The following UTRN variants were observed in gnomAD, a reference collection of about 807,000 sequenced individuals.
UTRN encodes dystrophin-related protein 1.
A neutral mutation model predicts 463.9 loss-of-function variants in UTRN; 283 were observed. That is an observed-to-expected ratio of 0.61 (90% CI 0.55 to 0.67). The LOEUF is 0.67. Among genes scored for constraint, UTRN ranks in the 30% least tolerant of loss-of-function variants. The pLI, the probability that UTRN is intolerant of heterozygous loss-of-function variation, is 0.00. For synonymous variants in UTRN, 1,442 were observed against 1,431.5 expected (o/e 1.01, Z -0.17); for missense variants, 3,922 against 4,084.3 (o/e 0.96, Z 1.08).
At chr6:144,492,381 G>C (rs1196579832) in intron 32 of UTRN, among the ~76,000 whole-genome samples, 1 of 152,114 alleles carries the variant, frequency 6.6e-6, no homozygotes, top group East Asian at 1.9e-4. Context: ...GTAGTGTTCC[G>C]TGGTGTATTT....
chr6:144,518,308 A>C (rs1795805880), intron 39 of UTRN, among the ~76,000 whole-genome samples: 1 of 152,232 alleles, frequency 6.6e-6, no homozygotes, highest in African/African-American at 2.4e-5. Flanking sequence ...AAAATATTGC[A>C]AAATACAGAA....
intron 2 of UTRN, among the ~76,000 whole-genome samples, chr6:144,401,103 AT>A (rs1300222857): frequency 6.6e-6 from 1 of 152,124 alleles, no homozygotes; most frequent in East Asian, 1.9e-4. Flanking sequence ...CTCTCTTAGA[AT>A]TTTTTCCATT....
chr6:144,620,256 C>G (rs1408084249), intron 51 of UTRN, among the ~76,000 whole-genome samples: 1 of 152,166 alleles, frequency 6.6e-6, no homozygotes, highest in Non-Finnish European at 1.5e-5. Context: ...CTGCTAAACT[C>G]TCCATTTGCA....
chr6:144,697,329 C>G (rs921852057), intron 52 of UTRN, among the ~76,000 whole-genome samples: 1 of 152,088 alleles, frequency 6.6e-6, no homozygotes, highest in Non-Finnish European at 1.5e-5. Context: ...TCTGGTTGAT[C>G]ACTAGTTATC....
At chr6:144,785,432 T>A (rs1159613417) in intron 61 of UTRN, among the ~76,000 whole-genome samples, 1 of 152,206 alleles carries the variant, frequency 6.6e-6, no homozygotes, top group African/African-American at 2.4e-5. Context: ...ACAGGAGAAT[T>A]TATCTACCTA....
chr6:144,435,742 T>G (rs149796382), intron 9 of UTRN, among the ~76,000 whole-genome samples, 193 bp from the exon 10 acceptor site: 1 of 152,364 alleles, frequency 6.6e-6, no homozygotes, highest in East Asian at 1.9e-4. Context: ...GCTGCTTTTA[T>G]ACTCTTTGCT....
intron 51 of UTRN, among the ~76,000 whole-genome samples, chr6:144,626,699 G>A (rs138163571): frequency 2.0e-3 from 299 of 152,182 alleles, no homozygotes; most frequent in African/African-American, 6.8e-3. Flanking sequence ...AGATGCAGTG[G>A]CACAATTTCG....
intron 72 of UTRN, among the ~76,000 whole-genome samples, chr6:144,840,303 C>G (rs932525043): frequency 7.2e-5 from 11 of 151,966 alleles, no homozygotes; most frequent in African/African-American, 2.7e-4. Context: ...AAATAAGATG[C>G]CTTTACTTTT....
intron 9 of UTRN, among the ~76,000 whole-genome samples, chr6:144,433,607 G>A (rs1407039308): frequency 2.0e-5 from 3 of 147,658 alleles, no homozygotes; most frequent in African/African-American, 7.6e-5. Flanking sequence ...CCAGGCAGAG[G>A]GTCTCCTCAC....
chr6:144,398,200 C>T (rs1782625452), intron 2 of UTRN: 1 of 240,718 alleles, frequency 4.2e-6, no homozygotes, highest in African/African-American at 2.3e-5. Flanking sequence ...TCTGGATGAA[C>T]CTGGCTTTGG....
chr6:144,561,206 TA>T (rs1235634507), intron 50 of UTRN, among the ~76,000 whole-genome samples: 594 of 2,902 alleles, frequency 0.2, 10 homozygotes, highest in African/African-American at 0.33. Context: ...AAAATAACAT[TA>T]TATATATATA....
intron 2 of UTRN, among the ~76,000 whole-genome samples, chr6:144,337,112 AACACACACAGACAC>A (rs966512910): frequency 2.0e-5 from 3 of 151,530 alleles, no homozygotes; most frequent in Admixed American, 2.0e-4. Context: ...TGCCACACAC[AACACACACAGACAC>A]ACACACACAG....
At chr6:144,539,219 A>G (rs536373639) in intron 44 of UTRN, 75 bp from the exon 45 acceptor site, 29 of 1,396,998 alleles carry the variant, frequency 2.1e-5, no homozygotes, top group Non-Finnish European at 9.5e-6. Flanking sequence ...AATACCAAAA[A>G]GGTTTCTAAT....
intron 39 of UTRN, among the ~76,000 whole-genome samples, chr6:144,520,455 G>A (rs1585102518): frequency 6.6e-6 from 1 of 152,120 alleles, no homozygotes; most frequent in African/African-American, 2.4e-5. Flanking sequence ...TAAATATCTA[G>A]AAATGCTTTC....
chr6:144,578,250 T>C (rs1585367305), intron 51 of UTRN, among the ~76,000 whole-genome samples: 1 of 152,186 alleles, frequency 6.6e-6, no homozygotes, highest in South Asian at 2.1e-4. Context: ...GAAGTCTCCT[T>C]GTCAACCATA....
At chr6:144,336,179 G>A (rs1321479845) in intron 2 of UTRN, among the ~76,000 whole-genome samples, 5 of 152,172 alleles carry the variant, frequency 3.3e-5, no homozygotes, top group Non-Finnish European at 5.9e-5. Context: ...GCTGGGCTGC[G>A]GCAGGTGGTG....
chr6:144,505,204 A>G (rs1421588206), intron 34 of UTRN, among the ~76,000 whole-genome samples: 1 of 152,046 alleles, frequency 6.6e-6, no homozygotes, highest in Non-Finnish European at 1.5e-5. Context: ...AATCTTTTCA[A>G]AAAACCAGCT....
intron 2 of UTRN, among the ~76,000 whole-genome samples, chr6:144,311,328 A>T (rs926398): frequency 0.31 from 47,298 of 152,134 alleles, 7,692 homozygotes; most frequent in South Asian, 0.46. Flanking sequence ...CTTTCTATAC[A>T]GCAGAGTTTG....
intron 2 of UTRN, chr6:144,398,339 A>G: frequency 3.0e-6 from 1 of 335,534 alleles, no homozygotes. Context: ...TTGTTGGGCC[A>G]CACTTGTGCC....
Sources: gnomAD v4.1 joint callset for allele counts (sites outside exome capture counted in the v4.1 genomes callset) on GRCh38, gnomAD v4.1.1 for gene constraint, MANE v1.5 for transcripts, NCBI Gene and HGNC (gene_info 2026-07-23, HGNC 2026-07-21) for gene names.